Variants in DYNLT3 observed in about 807,000 individuals in gnomAD.
The protein encoded by DYNLT3 is protein 91/23.
A neutral mutation model predicts 11.0 loss-of-function variants in DYNLT3; 4 were observed. The observed-to-expected ratio is 0.36, with a 90% confidence interval of 0.18 to 0.83. The LOEUF (loss-of-function observed/expected upper bound fraction) is 0.83. Ranked by LOEUF, DYNLT3 falls within the 40% of genes least tolerant of loss-of-function variation. The pLI is 0.47. For missense variants in DYNLT3, 91 were observed against 91.1 expected (o/e 1.00, Z 0.01); for synonymous variants, 37 against 31.2 (o/e 1.18, Z -0.61).
rs770182945 is a variant in DYNLT3, at chrX:37,840,876, C to T, written c.274+152G>A. On this transcript the variant is annotated intron_variant, in intron 4 of 4. Coordinates refer to ENST00000378578, the MANE Select transcript of DYNLT3 (RefSeq NM_006520.3). Reference sequence around the variant, plus strand: ...CCTGTTAAGTTTTCACATTTCATATCGGTCTGAAGGTATACTTGTTACTAG... The same window carrying T: ...CCTGTTAAGTTTTCACATTTCATATTGGTCTGAAGGTATACTTGTTACTAG... 1.1e-4 allele frequency: 64 copies of T among 569,823 alleles called. No homozygotes were observed. The South Asian group carries it at 1.5e-3, about 14-fold the overall frequency. The allele number at this position is 569,823 out of a possible 1,213,427, so 47.0% of individuals were successfully genotyped here.
Position 37,839,115 on chromosome X carries a change from T to A in DYNLT3, c.*1460A>T, listed in dbSNP as rs1930094638. 9.0e-6 allele frequency: 1 copy of A among 111,702 alleles called. No individual in the cohort carries two copies. Among genetic ancestry groups the A allele is most frequent in the Non-Finnish European group, 1.9e-5 (1 of 53,144 alleles). The allele number at this position is 111,702 out of a possible 1,213,427, so 9.2% of individuals were successfully genotyped here. ...AATATTATTCTTAAACATTGAACAA[T>A]TATTAATTATTGTTATTTGGCAAAA... is the stretch of plus-strand genomic sequence containing the variant. On this transcript the variant is annotated 3_prime_UTR_variant, in exon 5 of 5. Coordinates refer to ENST00000378578, the MANE Select transcript of DYNLT3 (RefSeq NM_006520.3).
chrX:37,847,424 C>T, intron 1 of DYNLT3, 57 bp downstream of exon 1: 7 of 1,004,148 alleles, frequency 7.0e-6, no homozygotes, highest in Non-Finnish European at 8.8e-6. Flanking sequence ...CCGGCAAGAG[C>T]CCCGCGCAGA....
In DYNLT3 at chrX:37,840,603, T is replaced by C. The variant is rs1392137608; in HGVS notation, c.323A>G (p.Asn108Ser). Reference sequence around the variant, plus strand: ...AAGAACAATAGCAATGGCAAAAACGTTGACAATACAGTTCATGGTCCGGTT... The same window carrying C: ...AAGAACAATAGCAATGGCAAAAACGCTGACAATACAGTTCATGGTCCGGTT... ...WENRTMNCIV[N>S]VFAIAIVL is the part of the protein sequence containing the mutation. The change falls in exon 5 of 5, where the codon AAC (asparagine) becomes AGC (serine). Residue 108 changes from asparagine to serine, a missense_variant. Coordinates refer to ENST00000378578, the MANE Select transcript of DYNLT3 (RefSeq NM_006520.3). The C allele has an allele frequency of 8.3e-7, 1 of 1,202,237 alleles. No homozygotes were observed. Among genetic ancestry groups the C allele is most frequent in the African/African-American group, 1.8e-5 (1 of 56,317 alleles).
chrX:37,842,411 G>C (rs1438199700), intron 2 of DYNLT3, among the ~76,000 whole-genome samples: 1 of 109,454 alleles, frequency 9.1e-6, no homozygotes, highest in Admixed American at 9.6e-5. Flanking sequence ...TTCATACTAT[G>C]TGATTGTTTA....
intron 2 of DYNLT3, among the ~76,000 whole-genome samples, chrX:37,843,750 A>G (rs1424633908): frequency 1.8e-5 from 2 of 111,928 alleles, no homozygotes; most frequent in African/African-American, 3.2e-5. Context: ...GGAAAAACAT[A>G]TTAGCATAGG....
chrX:37,846,788 C>T (rs1930274380), intron 1 of DYNLT3, among the ~76,000 whole-genome samples: 1 of 111,791 alleles, frequency 8.9e-6, no homozygotes, highest in African/African-American at 3.3e-5. Context: ...TTAACTTATG[C>T]TAGGCAAAAA....
intron 2 of DYNLT3, among the ~76,000 whole-genome samples, chrX:37,845,607 A>G (rs1222599513): frequency 8.9e-6 from 1 of 112,702 alleles, no homozygotes; most frequent in Admixed American, 9.4e-5. Context: ...TATACAATAT[A>G]CATATATATT....
rs2146834497 is a variant in DYNLT3 at position 37,841,965 on chromosome X, T to A, written c.73-60A>T. On this transcript the variant is annotated intron_variant, in intron 2 of 4. Transcript: ENST00000378578. ...TAAAATTGTTCAAAAAGAACAATTT[T>A]TACACAAATTGCAGTAAAAATTTAT... 4 of 984,211 alleles carry A rather than the reference T, an allele frequency of 4.1e-6. No homozygotes were observed. In the South Asian group the frequency reaches 1.6e-4, roughly 39 times the overall value. The allele number at this position is 984,211 out of a possible 1,213,427, so 81.1% of individuals were successfully genotyped here. A position where few individuals can be genotyped will look rare whatever the true frequency, so the allele number is the denominator to read the frequency against.
At chrX:37,846,249 C>G in intron 2 of DYNLT3, 68 bp downstream of exon 2, 1 of 1,073,735 alleles carries the variant, frequency 9.3e-7, no homozygotes, top group Non-Finnish European at 1.3e-6. Context: ...TGCTGAAACT[C>G]AAAATATAGC....
Position 37,847,520 on chromosome X carries a change from G to A in DYNLT3, c.-10C>T, listed in dbSNP as rs1266786179. On this transcript the variant is annotated 5_prime_UTR_variant, in exon 1 of 5. Coordinates refer to ENST00000378578, the MANE Select transcript of DYNLT3 (RefSeq NM_006520.3). The stretch of plus-strand genomic sequence containing the variant: ...GATGGTACTCCTCCATGGTAGCGCC[G>A]GCTCTCCCTGGGGCGGAGCGACACG... The A allele has an allele frequency of 4.1e-6, 4 of 976,115 alleles. No homozygotes were observed. The highest frequency in any genetic ancestry group is 5.2e-6 in the Non-Finnish European group (4 of 773,417). 80.4% of individuals were successfully genotyped at this position (976,115 alleles called of 1,213,427 possible).
chrX:37,839,540 A>G lies in DYNLT3; in HGVS notation c.*1035T>C, dbSNP rs1356300408. 8.9e-6 allele frequency: 1 copy of G among 112,345 alleles called. No individual in the cohort carries two copies. The highest frequency in any genetic ancestry group is 1.9e-5 in the Non-Finnish European group (1 of 53,148). The allele number at this position is 112,345 out of a possible 1,213,427, so 9.3% of individuals were successfully genotyped here. On this transcript the variant is annotated 3_prime_UTR_variant, in exon 5 of 5. Coordinates refer to ENST00000378578, the MANE Select transcript of DYNLT3 (RefSeq NM_006520.3). Reference sequence around the variant, plus strand: ...TACTACTTGTATAGGTAAGACTGATAATAAGGCCTTTAACTAAGAGTTGCA... The same window carrying G: ...TACTACTTGTATAGGTAAGACTGATGATAAGGCCTTTAACTAAGAGTTGCA...
chrX:37,847,349 G>C, intron 1 of DYNLT3, 132 bp downstream of exon 1: 1 of 914,895 alleles, frequency 1.1e-6, no homozygotes, highest in South Asian at 3.6e-5. Flanking sequence ...GGGCCCAGGG[G>C]AGAGGACCCG....
rs772213648 is a variant in DYNLT3, at chrX:37,847,043, C to T, written c.30+438G>A. 23 of 1,164,289 alleles carry T rather than the reference C, an allele frequency of 2.0e-5. No homozygotes were observed. The South Asian group carries it at 3.4e-4, about 17-fold the overall frequency. ...CTTGCCTAATCCTGGCAAGCATTAC[C>T]GGGAGCGGGAATGGCAGTGCCACCA... On this transcript the variant is annotated intron_variant, in intron 1 of 4. Transcript: ENST00000378578.
At chrX:37,840,682 C>T (rs775820415) in intron 4 of DYNLT3, 31 bp from the exon 5 acceptor site, 1 of 1,059,517 alleles carries the variant, frequency 9.4e-7, no homozygotes, top group South Asian at 2.1e-5. Flanking sequence ...TTTGAAATAC[C>T]AGCAAAACAT....
In DYNLT3 at chrX:37,839,231, G is replaced by A. The variant is rs982910494; in HGVS notation, c.*1344C>T. 8.9e-6 allele frequency: 1 copy of A among 111,922 alleles called. No homozygotes were observed. Among genetic ancestry groups the A allele is most frequent in the African/African-American group, 3.3e-5 (1 of 30,688 alleles). 9.2% of individuals were successfully genotyped at this position (111,922 alleles called of 1,213,427 possible). ...CTTATTCCTCTCCAAAATTCAATGA[G>A]TTATGGTTCCGCTCTCTATATGTAT... On this transcript the variant is annotated 3_prime_UTR_variant, in exon 5 of 5. Transcript: ENST00000378578.
At chrX:37,846,865 T>C in intron 1 of DYNLT3, among the ~76,000 whole-genome samples, 1 of 112,098 alleles carries the variant, frequency 8.9e-6, no homozygotes, top group Non-Finnish European at 1.9e-5. Flanking sequence ...AAGATTAATA[T>C]CACTTTAGTA....
At chrX:37,846,618 C>T (rs1930270606) in intron 1 of DYNLT3, among the ~76,000 whole-genome samples, 1 of 111,196 alleles carries the variant, frequency 9.0e-6, no homozygotes, top group African/African-American at 3.3e-5. Flanking sequence ...AATGAACATC[C>T]TAGATTAAGA....
At position 37,839,756 on chromosome X, in the gene DYNLT3, T is replaced by C. The variant is rs1217008576; in HGVS notation, c.*819A>G. ...ATTAATACGTCTTCCAACTGAACAA[T>C]TGCTAAAAGGAACTTAGCATTTGCA... On this transcript the variant is annotated 3_prime_UTR_variant, in exon 5 of 5. Transcript: ENST00000378578. 2 of 112,631 alleles carry C rather than the reference T, an allele frequency of 1.8e-5. No homozygotes were observed. The highest frequency in any genetic ancestry group is 6.5e-5 in the African/African-American group (2 of 30,952). The allele number at this position is 112,631 out of a possible 1,213,427, so 9.3% of individuals were successfully genotyped here. A position where few individuals can be genotyped will look rare whatever the true frequency, so the allele number is the denominator to read the frequency against.
rs777484862 is a variant in DYNLT3 at position 37,840,799 on chromosome X, TATATATATAC to T, written c.275-158_275-149del. The stretch of plus-strand genomic sequence containing the variant: ...ACACACACACACACACATATATATA[TATATATATAC>T]ACATACATTTTTCACATGTTTTAAT... On this transcript the variant is annotated intron_variant, in intron 4 of 4. Coordinates refer to ENST00000378578, the MANE Select transcript of DYNLT3 (RefSeq NM_006520.3). 1.6e-3 allele frequency: 672 copies of T among 433,029 alleles called. 7 individuals are homozygous for T. Among genetic ancestry groups the T allele is most frequent in the Non-Finnish European group, 1.9e-3 (504 of 261,699 alleles). 35.7% of individuals were successfully genotyped at this position (433,029 alleles called of 1,213,427 possible).
Sources: allele counts gnomAD v4.1 joint callset (sites outside exome capture counted in the v4.1 genomes callset), GRCh38; gene constraint gnomAD v4.1.1; transcripts MANE v1.5; gene names NCBI Gene and HGNC (gene_info 2026-07-23, HGNC 2026-07-21).